OVCH1: variants seen among roughly 807,000 people sequenced by gnomAD.
OVCH1 encodes ovochymase 1, also known as ovochymase-1.
In OVCH1, 139 loss-of-function variants were observed where a neutral mutation model predicts 138.4. The ratio of observed to expected loss-of-function variants is 1.00; its 90% CI spans 0.87 to 1.16. The LOEUF (loss-of-function observed/expected upper bound fraction) is 1.16. Among genes scored for constraint, OVCH1 ranks in the 50% most tolerant of loss-of-function variants. OVCH1 has a pLI of 0.00. For synonymous variants in OVCH1, 453 were observed against 467.8 expected (o/e 0.97, Z 0.41); for missense variants, 1,367 against 1,357.9 (o/e 1.01, Z -0.11).
At chr12:29,416,799 T>C (rs1259480920) in intron 3 of OVCH1, among the ~76,000 whole-genome samples, 2 of 152,198 alleles carry the variant, frequency 1.3e-5, no homozygotes, top group East Asian at 3.8e-4. Flanking sequence ...ATTACACTCT[T>C]GGACATTTAT....
At chr12:29,423,143 G>T (rs1255363593), downstream of OVCH1, 1 of 435,066 alleles carries the variant, frequency 2.3e-6, no homozygotes, top group Non-Finnish European at 4.6e-6. Flanking sequence ...TAGGAAATTG[G>T]GTCTCAATAT....
chr12:29,430,147 T>G (rs1211792650), intron 27 of OVCH1, among the ~76,000 whole-genome samples: 1 of 152,240 alleles, frequency 6.6e-6, no homozygotes, highest in African/African-American at 2.4e-5. Context: ...ACACTTGATA[T>G]TCAAGAGATG....
exon 11 of OVCH1, chr12:29,477,400 G>A: frequency 2.5e-6 from 4 of 1,613,952 alleles, no homozygotes; most frequent in South Asian, 1.1e-5. Context: ...ACTGTCTTCT[G>A]TATCAGAAAC....
Position 29,443,343 on chromosome 12 carries a change from T to C in OVCH1, c.3157+18A>G, listed in dbSNP as rs1208357147. ...AGAGAAAAATCAGTAGCATAGAGAT[T>C]CATGGGAAATCAGTTACCTATTAAT... On this transcript the variant is annotated intron_variant, in intron 25 of 27. Coordinates refer to ENST00000318184, the Ensembl canonical transcript of OVCH1. The C allele has an allele frequency of 6.2e-7, 1 of 1,606,748 alleles. No homozygotes were observed. Among genetic ancestry groups the C allele is most frequent in the African/African-American group, 1.3e-5 (1 of 74,728 alleles).
Position 29,451,977 on chromosome 12 carries a change from A to G in OVCH1, c.2531-408T>C, listed in dbSNP as rs553152931. On this transcript the variant is annotated intron_variant, in intron 21 of 27. Coordinates refer to ENST00000318184, the Ensembl canonical transcript of OVCH1. ...TTCATTTGAGCTTGTGACTGAGGTC[A>G]TGAAAAAGATAACTTGCTGGATATA... Among the ~76,000 whole-genome samples the G allele has an allele frequency of 9.9e-5, 15 of 152,280 alleles. 1 individual carries two copies. Among genetic ancestry groups the G allele is most frequent in the African/African-American group, 3.4e-4 (14 of 41,560 alleles).
At chr12:29,409,476 T>G (rs1940925158), downstream of OVCH1, among the ~76,000 whole-genome samples, 1 of 152,020 alleles carries the variant, frequency 6.6e-6, no homozygotes, top group Non-Finnish European at 1.5e-5. Flanking sequence ...CACACTGCTT[T>G]GAATGTGTCC....
intron 19 of OVCH1, 162 bp downstream of exon 19, chr12:29,461,692 A>T: frequency 1.1e-6 from 1 of 918,438 alleles, no homozygotes; most frequent in Non-Finnish European, 1.7e-6. Context: ...AATTCGGATT[A>T]ATTAACTTAT....
At chr12:29,409,810 G>A (rs1355105948), downstream of OVCH1, among the ~76,000 whole-genome samples, 1 of 152,158 alleles carries the variant, frequency 6.6e-6, no homozygotes, top group Non-Finnish European at 1.5e-5. Context: ...GAGTTCTGTA[G>A]ATGTCTATGA....
chr12:29,453,036 G>C (rs1941842144), intron 21 of OVCH1, among the ~76,000 whole-genome samples: 1 of 152,056 alleles, frequency 6.6e-6, no homozygotes, highest in South Asian at 2.1e-4. Flanking sequence ...AAATACATTA[G>C]ATGGCACTGT....
intron 1 of OVCH1, among the ~76,000 whole-genome samples, chr12:29,497,104 C>CA (rs1457575092): frequency 6.6e-6 from 1 of 152,030 alleles, no homozygotes; most frequent in East Asian, 1.9e-4. Context: ...CCCATCTCTA[C>CA]AAAAAAATGT....
chr12:29,413,100 G>T (rs1940982192), intron 3 of OVCH1, among the ~76,000 whole-genome samples: 1 of 150,270 alleles, frequency 6.7e-6, no homozygotes, highest in African/African-American at 2.5e-5. Flanking sequence ...GGCCTCAAAT[G>T]ATCCTTTTGC....
downstream of OVCH1, among the ~76,000 whole-genome samples, chr12:29,425,421 C>T (rs1240945311): frequency 2.6e-5 from 4 of 152,086 alleles, no homozygotes; most frequent in East Asian, 1.9e-4. Context: ...ATATAATGCT[C>T]GCCTTGAAGA....
chr12:29,412,153 G>A (rs112009980), downstream of OVCH1, among the ~76,000 whole-genome samples: 1,510 of 152,230 alleles, frequency 9.9e-3, 23 homozygotes, highest in African/African-American at 0.035. Context: ...TTTTAAGCCC[G>A]TTGGAAAAGC....
At chr12:29,460,735 G>T (rs1942103923) in intron 19 of OVCH1, among the ~76,000 whole-genome samples, 1 of 151,878 alleles carries the variant, frequency 6.6e-6, no homozygotes, top group Non-Finnish European at 1.5e-5. Context: ...GCTTAATAAT[G>T]CATCCTAGAT....
At chr12:29,493,185 G>A (rs1256028253) in intron 4 of OVCH1, among the ~76,000 whole-genome samples, 1 of 151,998 alleles carries the variant, frequency 6.6e-6, no homozygotes, top group Non-Finnish European at 1.5e-5. Flanking sequence ...GAAAAAATGG[G>A]GCAATAGTTT....
downstream of OVCH1, among the ~76,000 whole-genome samples, chr12:29,426,940 A>G (rs1238450236): frequency 6.6e-6 from 1 of 152,250 alleles, no homozygotes; most frequent in East Asian, 1.9e-4. Flanking sequence ...ACATTTAAAT[A>G]GCAACATGGA....
chr12:29,422,185 C>T (rs1340645340), intron 3 of OVCH1, among the ~76,000 whole-genome samples: 21 of 151,938 alleles, frequency 1.4e-4, no homozygotes, highest in Admixed American at 1.3e-3. Flanking sequence ...TAGTATCCAA[C>T]CTGCAAAAAA....
chr12:29,440,614 T>A, intron 25 of OVCH1: 3 of 411,996 alleles, frequency 7.3e-6, no homozygotes, highest in South Asian at 5.5e-5. Flanking sequence ...TAACAGGTGT[T>A]CTGTAGGGCA....
intron 27 of OVCH1, among the ~76,000 whole-genome samples, chr12:29,430,475 G>A (rs2135899417): frequency 6.6e-6 from 1 of 152,302 alleles, no homozygotes; most frequent in African/African-American, 2.4e-5. Context: ...TCCTTGGCCA[G>A]GTCTTGCTAC....
Sources: gnomAD v4.1 joint callset for allele counts (sites outside exome capture counted in the v4.1 genomes callset) on GRCh38, gnomAD v4.1.1 for gene constraint, MANE v1.5 for transcripts, NCBI Gene and HGNC (gene_info 2026-07-23, HGNC 2026-07-21) for gene names.